The following NFATC1 variants were observed in gnomAD, a reference collection of about 807,000 sequenced individuals.
The protein encoded by NFATC1 is nuclear factor of activated T-cells, cytoplasmic 1.
Under a neutral mutation model 76.0 loss-of-function variants are expected in NFATC1, and 22 were observed. The ratio of observed to expected loss-of-function variants is 0.29; its 90% CI spans 0.21 to 0.41. NFATC1 has a LOEUF of 0.41. NFATC1 is among the 10% of genes least tolerant of loss of function. The probability of loss-of-function intolerance (pLI) is 1.00; values close to 1 mark genes in which losing one functional copy is unlikely to be tolerated. For missense variants in NFATC1, 1,357 were observed against 1,337.7 expected (o/e 1.01, Z -0.23); for synonymous variants, 704 against 613.1 (o/e 1.15, Z -2.19).
At chr18:79,442,068 C>T (rs916900301) in intron 3 of NFATC1, among the ~76,000 whole-genome samples, 3 of 152,142 alleles carry the variant, frequency 2.0e-5, no homozygotes, top group African/African-American at 7.2e-5. Context: ...CCATTGCCTC[C>T]AGGTCGAGGT....
chr18:79,443,371 C>T (rs183965893), intron 3 of NFATC1, among the ~76,000 whole-genome samples: 321 of 152,356 alleles, frequency 2.1e-3, no homozygotes, highest in African/African-American at 7.1e-3. Context: ...GTCAGTCACA[C>T]GGATTCTGCA....
chr18:79,411,564 G>C, intron 2 of NFATC1, 63 bp downstream of exon 2: 2 of 1,237,782 alleles, frequency 1.6e-6, no homozygotes, highest in Non-Finnish European at 2.0e-6. Context: ...GGCGGAACGC[G>C]GGGAGCGGGA....
chr18:79,458,378 C>G (rs575016948), intron 6 of NFATC1, among the ~76,000 whole-genome samples: 79 of 152,166 alleles, frequency 5.2e-4, no homozygotes, highest in South Asian at 1.0e-3. Context: ...TCGAGGGCAC[C>G]GTGGGACCCA....
intron 7 of NFATC1, 67 bp from the exon 8 acceptor site, chr18:79,467,383 C>T (rs2088563351): frequency 4.2e-6 from 6 of 1,423,754 alleles, no homozygotes; most frequent in Middle Eastern, 2.3e-4. Flanking sequence ...GCCGTGTGGC[C>T]GCCGTGGCGC....
chr18:79,518,588 A>G (rs2090441761), intron 9 of NFATC1, among the ~76,000 whole-genome samples: 1 of 152,172 alleles, frequency 6.6e-6, no homozygotes, highest in South Asian at 2.1e-4. Context: ...CATATAGAAA[A>G]CAGACTTGGA....
rs1013221713 is a variant in NFATC1, at chr18:79,410,014, G to A, written c.128-389G>A. The A allele has an allele frequency of 4.6e-5, 26 of 569,974 alleles. No homozygotes were observed. Among genetic ancestry groups the A allele is most frequent in the Admixed American group, 1.3e-4 (7 of 52,560 alleles). The allele number at this position is 569,974 out of a possible 1,614,324, so 35.3% of individuals were successfully genotyped here. A position where few individuals can be genotyped will look rare whatever the true frequency, so the allele number is the denominator to read the frequency against. ...GGTTTTTGAATGAAGAGCGGAACCC[G>A]TGAGGACCCAGTCGCCTCTCTCTGG... On this transcript the variant is annotated intron_variant, in intron 1 of 9. Transcript: ENST00000427363. This position sits in a 1 kb window ranked among gnomAD's most constrained non-coding sequence, Gnocchi z 6.7.
chr18:79,448,636 A>T (rs1232706615), intron 3 of NFATC1, 146 bp from the exon 4 acceptor site: 3 of 744,992 alleles, frequency 4.0e-6, no homozygotes, highest in Non-Finnish European at 4.4e-6. Context: ...TTACAAAGAC[A>T]CCAGTATGAC....
At chr18:79,440,579 C>G (rs1251292514) in intron 3 of NFATC1, among the ~76,000 whole-genome samples, 1 of 152,114 alleles carries the variant, frequency 6.6e-6, no homozygotes, top group Non-Finnish European at 1.5e-5. Context: ...GTCCAGTGAC[C>G]GAGGGTGGTG....
At chr18:79,435,035 G>A (rs1223318755) in intron 3 of NFATC1, among the ~76,000 whole-genome samples, 1 of 152,190 alleles carries the variant, frequency 6.6e-6, no homozygotes, top group Admixed American at 6.5e-5. Context: ...CTCCGTCACT[G>A]CAGGCCTGCA....
Position 79,441,363 on chromosome 18 carries a change from C to T in NFATC1, c.1387-7419C>T, listed in dbSNP as rs2086969493. ...TCTGGAGGTGCACATGGCTGCTGGG[C>T]GGGCAGCGCTCCTGGGCCTCTCTCC... On this transcript the variant is annotated intron_variant, in intron 3 of 9. Transcript: ENST00000427363. Among the ~76,000 whole-genome samples, 4 of 152,270 alleles carry T rather than the reference C, an allele frequency of 2.6e-5. No homozygotes were observed. The South Asian group carries it at 6.2e-4, about 24-fold the overall frequency.
intron 6 of NFATC1, among the ~76,000 whole-genome samples, chr18:79,457,495 T>C (rs1292347111): frequency 6.6e-6 from 1 of 152,182 alleles, no homozygotes; most frequent in Non-Finnish European, 1.5e-5. Flanking sequence ...TCTCAGGCCT[T>C]TTGGGATCAT....
At chr18:79,482,194 C>G (rs1387526386) in intron 8 of NFATC1, among the ~76,000 whole-genome samples, 1 of 141,042 alleles carries the variant, frequency 7.1e-6, no homozygotes, top group Non-Finnish European at 1.5e-5. Flanking sequence ...TCCAGCATGA[C>G]CTGGTTCCTG....
chr18:79,506,918 C>G (rs908697142), intron 9 of NFATC1, among the ~76,000 whole-genome samples: 4 of 152,216 alleles, frequency 2.6e-5, no homozygotes, highest in African/African-American at 9.7e-5. Context: ...TGGACACTCA[C>G]ACACAGTAAG....
intron 3 of NFATC1, among the ~76,000 whole-genome samples, chr18:79,435,433 C>G (rs544206194): frequency 6.6e-6 from 1 of 151,838 alleles, no homozygotes; most frequent in Non-Finnish European, 1.5e-5. Context: ...ACTGCAACCT[C>G]TGTCTCCTGG....
At position 79,486,597 on chromosome 18, in the gene NFATC1, C is replaced by A; in HGVS notation, c.2442C>A (p.Pro814=). 1 of 1,590,582 alleles carries A rather than the reference C, an allele frequency of 6.3e-7. No individual in the cohort carries two copies. The highest frequency in any genetic ancestry group is 1.1e-5 in the South Asian group (1 of 89,730). The change falls in exon 9 of 10, where the codon CCC becomes CCA. Residue 814 remains proline, a synonymous_variant. Transcript: ENST00000427363. ...PRPVATHPGS[P]GQPPPALLPQ... is the part of the protein sequence containing the mutation. ...CAGTGGCCACGCACCCCGGCTCGCC[C>A]GGGCAGCCACCCCCGGCCCTGCTGC...
chr18:79,429,270 C>T (rs1056695632), intron 2 of NFATC1, among the ~76,000 whole-genome samples: 2 of 150,842 alleles, frequency 1.3e-5, no homozygotes. Context: ...AGAAAAACAC[C>T]CTTTGGCTCT....
chr18:79,511,176 C>T lies in NFATC1; in HGVS notation c.2783-16352C>T, dbSNP rs540957663. ...ACCCGGCTCGCTGTGATGAATTGCT[C>T]ATTATGTGCAGTGTTGGAATAGCCT... is the stretch of plus-strand genomic sequence containing the variant. On this transcript the variant is annotated intron_variant, in intron 9 of 9. Transcript: ENST00000427363. Among the ~76,000 whole-genome samples, 224 of 152,336 alleles carry T rather than the reference C, an allele frequency of 1.5e-3. 1 individual carries two copies. Among genetic ancestry groups the T allele is most frequent in the Admixed American group, 2.5e-3 (38 of 15,308 alleles).
At chr18:79,512,955 C>T (rs1376711850) in intron 9 of NFATC1, among the ~76,000 whole-genome samples, 1 of 152,234 alleles carries the variant, frequency 6.6e-6, no homozygotes, top group Admixed American at 6.5e-5. Flanking sequence ...CACCAAATCG[C>T]CTTCCGTACC....
intron 8 of NFATC1, among the ~76,000 whole-genome samples, chr18:79,485,890 G>A (rs1414366741): frequency 6.6e-6 from 1 of 152,266 alleles, no homozygotes; most frequent in African/African-American, 2.4e-5. Flanking sequence ...ATCAAACCGA[G>A]TGTCGGGAGC....
Sources: allele counts gnomAD v4.1 joint callset (sites outside exome capture counted in the v4.1 genomes callset), GRCh38; gene constraint gnomAD v4.1.1; non-coding constraint Gnocchi (gnomAD v3.1); transcripts MANE v1.5; gene names NCBI Gene and HGNC (gene_info 2026-07-23, HGNC 2026-07-21).